Variants in SIX4 observed in about 807,000 individuals in gnomAD.
SIX4 encodes the protein homeobox protein SIX4.
In SIX4, 23 loss-of-function variants were observed where a neutral mutation model predicts 51.5. The observed-to-expected ratio is 0.45, with a 90% CI of 0.32 to 0.63. SIX4 has a LOEUF of 0.63. Among genes scored for constraint, SIX4 ranks in the 30% least tolerant of loss-of-function variants. The pLI is 0.04. For missense variants in SIX4, 867 were observed against 984.0 expected (o/e 0.88, Z 1.59); for synonymous variants, 413 against 417.3 (o/e 0.99, Z 0.13).
intron 1 of SIX4, 25 bp downstream of exon 1, chr14:60,723,187 G>A (rs1896062918): frequency 6.4e-7 from 1 of 1,557,278 alleles, no homozygotes; most frequent in Non-Finnish European, 8.7e-7. Context: ...GAGGAAGGGG[G>A]AGGAGGAGGA....
At chr14:60,721,932 T>C (rs1179248090) in intron 1 of SIX4, among the ~76,000 whole-genome samples, 1 of 152,108 alleles carries the variant, frequency 6.6e-6, no homozygotes, top group Non-Finnish European at 1.5e-5. Flanking sequence ...GAGGGCCGGA[T>C]AGGGCACCAA....
rs1895849813 is a variant in SIX4, at chr14:60,712,941, A to T, written c.*466T>A. The T allele has an allele frequency of 6.5e-6, 1 of 154,510 alleles. No homozygotes were observed. The highest frequency in any genetic ancestry group is 1.4e-5 in the Non-Finnish European group (1 of 69,410). 9.6% of individuals were successfully genotyped at this position (154,510 alleles called of 1,614,324 possible). A position where few individuals can be genotyped will look rare whatever the true frequency, so the allele number is the denominator to read the frequency against. Reference sequence around the variant, plus strand: ...GTGTGTGCATATATATATGCATGCTACTTAACTTTAAAAATATGTACCATT... The same window carrying T: ...GTGTGTGCATATATATATGCATGCTTCTTAACTTTAAAAATATGTACCATT... On this transcript the variant is annotated 3_prime_UTR_variant, in exon 3 of 3. Transcript: ENST00000216513.
At chr14:60,721,237 A>G in intron 1 of SIX4, 1 of 812,456 alleles carries the variant, frequency 1.2e-6, no homozygotes, top group African/African-American at 1.9e-5. Flanking sequence ...TCCAGGCAGG[A>G]CCCTGTTCCT....
intron 2 of SIX4, among the ~76,000 whole-genome samples, chr14:60,718,491 C>T (rs1895960748): frequency 6.6e-6 from 1 of 152,112 alleles, no homozygotes; most frequent in Non-Finnish European, 1.5e-5. Context: ...AAATTTGTTG[C>T]CTTTAAAATG....
chr14:60,721,558 C>G (rs929278638), intron 1 of SIX4, among the ~76,000 whole-genome samples: 43 of 133,122 alleles, frequency 3.2e-4, no homozygotes, highest in African/African-American at 1.1e-3. Context: ...ACCGGGGGTG[C>G]GGGTGGGAGG....
At position 60,713,860 on chromosome 14, in the gene SIX4, A is replaced by T. The variant is rs750224183; in HGVS notation, c.1893T>A (p.Thr631=). Residue 631 remains threonine (T), a synonymous_variant, in exon 3 of 3, where the codon ACT becomes ACA. Transcript: ENST00000216513. ...SLSPSTLLNP[T]ELNRDIADSQ... ...TATCGGCAATGTCGCGGTTTAGCTC[A>T]GTGGGATTTAGTAGTGTAGAGGGAC... The T allele has an allele frequency of 1.2e-6, 2 of 1,614,024 alleles. No homozygotes were observed. The highest frequency in any genetic ancestry group is 2.7e-5 in the African/African-American group (2 of 74,928).
At position 60,723,829 on chromosome 14, in the gene SIX4, A is replaced by C. The variant is rs1172412943; in HGVS notation, c.246T>G (p.Asp82Glu). 7 of 1,523,954 alleles carry C rather than the reference A, an allele frequency of 4.6e-6. No homozygotes were observed. The Admixed American group carries it at 1.3e-4, about 29-fold the overall frequency. The allele number at this position is 1,523,954 out of a possible 1,614,324, so 94.4% of individuals were successfully genotyped here. ...VAAAAAGAAA[D>E]QVQLHSELLG... ...GAAGTTCCGAGTGGAGTTGTACCTG[A>C]TCCGCCGCCGCTCCGGCCGCCGCCG... The change falls in exon 1 of 3, where the codon GAT (aspartate) becomes GAG (glutamate). Residue 82 changes from aspartate (D) to glutamate (E), a missense_variant. Asp to Glu is a conservative substitution (Grantham distance 45). Coordinates refer to ENST00000216513, the MANE Select transcript of SIX4 (RefSeq NM_017420.5).
chr14:60,722,158 G>C lies in SIX4; in HGVS notation c.863+1054C>G, dbSNP rs1896033435. 1.3e-5 allele frequency among the ~76,000 whole-genome samples: 2 copies of C among 152,170 alleles called. No individual in the cohort carries two copies. The highest frequency in any genetic ancestry group is 6.5e-5 in the Admixed American group (1 of 15,284). ...GATTCTTTCTCTCCTATCCCCGCGG[G>C]GCTGGAGACACCAGGTCTTTAGGCG... On this transcript the variant is annotated intron_variant, in intron 1 of 2. Transcript: ENST00000216513. This position sits in a 1 kb window ranked among gnomAD's most constrained non-coding sequence, Gnocchi z 5.9.
At position 60,723,718 on chromosome 14, in the gene SIX4, T is replaced by A. The variant is rs772793489; in HGVS notation, c.357A>T (p.Ala119=). Reference sequence around the variant, plus strand: ...GGTCCAGGTTGCCCCCCTGCTGCAGTGCCTCGCACACGCAGGCGACGTGGT... The same window carrying A: ...GGTCCAGGTTGCCCCCCTGCTGCAGAGCCTCGCACACGCAGGCGACGTGGT... The part of the protein sequence containing the change: ...SPDHVACVCE[A]LQQGGNLDRL... The change falls in exon 1 of 3, where the codon GCA becomes GCT. Residue 119 remains alanine, a synonymous_variant. Coordinates refer to ENST00000216513, the MANE Select transcript of SIX4 (RefSeq NM_017420.5). The A allele has an allele frequency of 2.6e-6, 4 of 1,552,104 alleles. No individual in the cohort carries two copies. In the Admixed American group the frequency reaches 7.8e-5, roughly 30 times the overall value.
chr14:60,718,038 A>C (rs1205974224), intron 2 of SIX4: 11 of 208,500 alleles, frequency 5.3e-5, no homozygotes, highest in Admixed American at 1.7e-4. Context: ...TAATAATAAT[A>C]ATCTTAGTTG....
Position 60,710,226 on chromosome 14 carries a change from G to C in SIX4, c.*3181C>G, listed in dbSNP as rs964707184. The C allele has an allele frequency of 6.6e-6, 1 of 152,558 alleles. No individual in the cohort carries two copies. Among genetic ancestry groups the C allele is most frequent in the African/African-American group, 2.4e-5 (1 of 41,420 alleles). The allele number at this position is 152,558 out of a possible 1,614,324, so 9.5% of individuals were successfully genotyped here. A position where few individuals can be genotyped will look rare whatever the true frequency, so the allele number is the denominator to read the frequency against. ...CAAGGGCATACACAGAGAGATTTAAGGTCAGTGTGCAATTTAACTATGGAT... is the reference window on the plus strand; with the variant it reads ...CAAGGGCATACACAGAGAGATTTAACGTCAGTGTGCAATTTAACTATGGAT... On this transcript the variant is annotated 3_prime_UTR_variant, in exon 3 of 3. Transcript: ENST00000216513.
rs1895940854 is a variant in SIX4 at position 60,717,601 on chromosome 14, G to A, written c.1549+2159C>T. 6.6e-6 allele frequency among the ~76,000 whole-genome samples: 1 copy of A among 152,076 alleles called. No homozygotes were observed. Among genetic ancestry groups the A allele is most frequent in the Admixed American group, 6.6e-5 (1 of 15,264 alleles). On this transcript the variant is annotated intron_variant, in intron 2 of 2. Transcript: ENST00000216513. This position sits in a 1 kb window ranked among gnomAD's most constrained non-coding sequence, Gnocchi z 4.6. Reference sequence around the variant, plus strand: ...TAGAAATTATAACATATATAAAAGAGAATTTGATCTAAAATTTGATTTTTG... The same window carrying A: ...TAGAAATTATAACATATATAAAAGAAAATTTGATCTAAAATTTGATTTTTG...
In SIX4 at chr14:60,723,845, G is replaced by A; in HGVS notation, c.230C>T (p.Ala77Val). The A allele has an allele frequency of 1.3e-6, 2 of 1,509,670 alleles. No individual in the cohort carries two copies. Among genetic ancestry groups the A allele is most frequent in the Non-Finnish European group, 8.8e-7 (1 of 1,141,604 alleles). The allele number at this position is 1,509,670 out of a possible 1,614,324, so 93.5% of individuals were successfully genotyped here. Residue 77 changes from alanine to valine, a missense_variant, in exon 1 of 3, where the codon GCC becomes GTC. By Grantham distance (64) the Ala-to-Val change is moderately conservative (BLOSUM62 0). Transcript: ENST00000216513. ...TTGTACCTGATCCGCCGCCGCTCCG[G>A]CCGCCGCCGCCGCCACTGCCCCTTC... is the stretch of plus-strand genomic sequence containing the variant. ...GEEGAVAAAA[A>V]GAAADQVQLH...
In SIX4 at chr14:60,719,581, C is replaced by G. The variant is rs955827406; in HGVS notation, c.1549+179G>C. 6.6e-6 allele frequency among the ~76,000 whole-genome samples: 1 copy of G among 152,126 alleles called. No individual in the cohort carries two copies. Among genetic ancestry groups the G allele is most frequent in the African/African-American group, 2.4e-5 (1 of 41,422 alleles). On this transcript the variant is annotated intron_variant, in intron 2 of 2. Transcript: ENST00000216513. This position sits in a 1 kb window ranked among gnomAD's most constrained non-coding sequence, Gnocchi z 4.9. ...CTCATGATGCAAGGGAATAAAGCAA[C>G]CTGGATATGACATGGGTATTGTGAA...
Position 60,713,201 on chromosome 14 carries a change from A to G in SIX4, c.*206T>C, listed in dbSNP as rs139909572. 41 of 495,126 alleles carry G rather than the reference A, an allele frequency of 8.3e-5. No individual in the cohort carries two copies. In the East Asian group the frequency reaches 1.2e-3, roughly 15 times the overall value. The allele number at this position is 495,126 out of a possible 1,614,324, so 30.7% of individuals were successfully genotyped here. A position where few individuals can be genotyped will look rare whatever the true frequency, so the allele number is the denominator to read the frequency against. ...CTCCATCTATTTAAAAGAGAAATTT[A>G]TAAGTGAACAAAAAGGCTGCAATAA... On this transcript the variant is annotated 3_prime_UTR_variant, in exon 3 of 3. Coordinates refer to ENST00000216513, the MANE Select transcript of SIX4 (RefSeq NM_017420.5).
At position 60,713,851 on chromosome 14, in the gene SIX4, G is replaced by A. The variant is rs1025371434; in HGVS notation, c.1902C>T (p.Asn634=). 6.2e-7 allele frequency: 1 copy of A among 1,614,032 alleles called. No homozygotes were observed. The highest frequency in any genetic ancestry group is 8.5e-7 in the Non-Finnish European group (1 of 1,180,028). The change falls in exon 3 of 3, where the codon AAC becomes AAT. Residue 634 remains asparagine (N), a synonymous_variant. Coordinates refer to ENST00000216513, the MANE Select transcript of SIX4 (RefSeq NM_017420.5). ...TTGGTTGGCTATCGGCAATGTCGCG[G>A]TTTAGCTCAGTGGGATTTAGTAGTG... ...PSTLLNPTEL[N]RDIADSQPMS...
rs1019292577 is a variant in SIX4, at chr14:60,711,605, G to A, written c.*1802C>T. On this transcript the variant is annotated 3_prime_UTR_variant, in exon 3 of 3. Coordinates refer to ENST00000216513, the MANE Select transcript of SIX4 (RefSeq NM_017420.5). ...TCAAGACCATCCTGGCTAACACGGTGAAACCCCGTCTCTACTAAAAATACA... is the reference window on the plus strand; with the variant it reads ...TCAAGACCATCCTGGCTAACACGGTAAAACCCCGTCTCTACTAAAAATACA... The A allele has an allele frequency of 1.3e-5, 2 of 152,098 alleles. No homozygotes were observed. The highest frequency in any genetic ancestry group is 4.8e-5 in the African/African-American group (2 of 41,422). The allele number at this position is 152,098 out of a possible 1,614,324, so 9.4% of individuals were successfully genotyped here.
At position 60,724,248 on chromosome 14, in the gene SIX4, G is replaced by A; in HGVS notation, c.-174C>T. On this transcript the variant is annotated 5_prime_UTR_variant, in exon 1 of 3. Coordinates refer to ENST00000216513, the MANE Select transcript of SIX4 (RefSeq NM_017420.5). ...GCCGATCAGGTTTCCCCCCGGCCAC[G>A]CAGTCACCATTAAGATAGCTGTTAG... 2 of 1,536,854 alleles carry A rather than the reference G, an allele frequency of 1.3e-6. No individual in the cohort carries two copies. The highest frequency in any genetic ancestry group is 1.7e-6 in the Non-Finnish European group (2 of 1,147,764).
rs1302096348 is a variant in SIX4 at position 60,711,122 on chromosome 14, C to T, written c.*2285G>A. 6.6e-6 allele frequency: 1 copy of T among 152,098 alleles called. No homozygotes were observed. Among genetic ancestry groups the T allele is most frequent in the East Asian group, 1.9e-4 (1 of 5,176 alleles). The allele number at this position is 152,098 out of a possible 1,614,324, so 9.4% of individuals were successfully genotyped here. A position where few individuals can be genotyped will look rare whatever the true frequency, so the allele number is the denominator to read the frequency against. ...TCTGCAGCAATCAAGTGGAAAACAT[C>T]ATTTTTATGTAAACTACACTGCAGA... On this transcript the variant is annotated 3_prime_UTR_variant, in exon 3 of 3. Transcript: ENST00000216513.
Sources: allele counts gnomAD v4.1 joint callset (sites outside exome capture counted in the v4.1 genomes callset), GRCh38; gene constraint gnomAD v4.1.1; non-coding constraint Gnocchi (gnomAD v3.1); transcripts MANE v1.5; gene names NCBI Gene and HGNC (gene_info 2026-07-23, HGNC 2026-07-21).